Variants in LAMB1 observed in about 807,000 individuals in gnomAD.
LAMB1 encodes the protein laminin subunit beta 1, also known as laminin subunit beta-1.
A neutral mutation model predicts 222.3 loss-of-function variants in LAMB1; 121 were observed. That is an observed-to-expected ratio of 0.54 (90% CI 0.47 to 0.63). The LOEUF is 0.63. Among genes scored for constraint, LAMB1 ranks in the 30% least tolerant of loss-of-function variants. The probability of loss-of-function intolerance (pLI) is 0.00; values close to 1 mark genes in which losing one functional copy is unlikely to be tolerated. For synonymous variants in LAMB1, 794 were observed against 807.2 expected (o/e 0.98, Z 0.28); for missense variants, 2,172 against 2,240.8 (o/e 0.97, Z 0.62).
chr7:108,002,251 T>C, intron 2 of LAMB1: 1 of 1,312,382 alleles, frequency 7.6e-7, no homozygotes, highest in East Asian at 5.2e-5. Context: ...CACCGGCGCT[T>C]CGCTGGGGAC....
intron 24 of LAMB1, chr7:107,950,959 T>TGC (rs958004127): frequency 8.3e-6 from 3 of 359,360 alleles, no homozygotes; most frequent in Non-Finnish European, 1.0e-5. Flanking sequence ...TGTGTGTGTG[T>TGC]GTGCTTACAC....
intron 9 of LAMB1, among the ~76,000 whole-genome samples, chr7:107,977,287 ACT>A (rs1383757531): frequency 6.6e-6 from 1 of 151,984 alleles, no homozygotes; most frequent in Non-Finnish European, 1.5e-5. Context: ...CATCAGAATC[ACT>A]GTTTGTGGAG....
At chr7:107,955,150 T>C (rs564445352) in intron 21 of LAMB1, among the ~76,000 whole-genome samples, 13 of 152,288 alleles carry the variant, frequency 8.5e-5, no homozygotes, top group Admixed American at 2.6e-4. Flanking sequence ...TTGCTAGGAG[T>C]TGGATAAAGA....
chr7:107,983,482 G>A (rs1394968051), intron 7 of LAMB1, among the ~76,000 whole-genome samples: 1 of 149,630 alleles, frequency 6.7e-6, no homozygotes, highest in African/African-American at 2.5e-5. Context: ...CAACAGCTTT[G>A]ATGTACTGAA....
At chr7:107,978,014 T>A (rs2033901666) in intron 9 of LAMB1, 33 bp downstream of exon 9, 3 of 1,613,248 alleles carry the variant, frequency 1.9e-6, no homozygotes, top group African/African-American at 1.3e-5. Context: ...AGAGCCTGAA[T>A]GGATTTAAAA....
Position 107,935,385 on chromosome 7 carries a change from T to C in LAMB1, c.4188+30A>G, listed in dbSNP as rs1408875301. 12 of 857,318 alleles carry C rather than the reference T, an allele frequency of 1.4e-5. No homozygotes were observed. The Middle Eastern group carries it at 3.2e-3, about 232-fold the overall frequency. 53.1% of individuals were successfully genotyped at this position (857,318 alleles called of 1,614,324 possible). ...TTTTTTTTTTTTTTGCTTGGCACCA[T>C]AGCAGTAAGGCCACATCCCCAAACC... On this transcript the variant is annotated intron_variant, in intron 27 of 33. Transcript: ENST00000222399.
chr7:107,992,153 A>G (rs937311410), intron 5 of LAMB1, among the ~76,000 whole-genome samples: 11 of 152,086 alleles, frequency 7.2e-5, no homozygotes, highest in African/African-American at 2.7e-4. Context: ...CCCTCCGGCC[A>G]TGAATGGCCT....
In LAMB1 at chr7:107,935,477, G is replaced by A. The variant is rs573399253; in HGVS notation, c.4126C>T (p.Arg1376Cys). 1.9e-5 allele frequency: 30 copies of A among 1,612,680 alleles called. No homozygotes were observed. Among genetic ancestry groups the A allele is most frequent in the South Asian group, 1.1e-4 (10 of 91,034 alleles). The part of the protein sequence containing the change: ...QFKEKQEEQA[R>C]LLDELAGKLQ... ...TTGCCTGCCAGTTCATCAAGGAGGCGAGCCTGCTCCTCTTGTTTTTCCTTG... is the reference window on the plus strand; with the variant it reads ...TTGCCTGCCAGTTCATCAAGGAGGCAAGCCTGCTCCTCTTGTTTTTCCTTG... The change falls in exon 27 of 34, where the codon CGC becomes TGC. Residue 1376 changes from arginine to cysteine, a missense_variant. Coordinates refer to ENST00000222399, the MANE Select transcript of LAMB1 (RefSeq NM_002291.3).
In LAMB1 at chr7:107,935,358, T is replaced by TG; in HGVS notation, c.4188+56_4188+57insC. Reference sequence around the variant, plus strand: ...GTTTGTTTTTCTTTGTTTTTTTTTTTTTTTTTTTTTTTTTTGCTTGGCACC... The same window carrying TG: ...GTTTGTTTTTCTTTGTTTTTTTTTTTGTTTTTTTTTTTTTTTGCTTGGCACC... On this transcript the variant is annotated intron_variant, in intron 27 of 33. Coordinates refer to ENST00000222399, the MANE Select transcript of LAMB1 (RefSeq NM_002291.3). 60 of 463,106 alleles carry TG rather than the reference T, an allele frequency of 1.3e-4. No individual in the cohort carries two copies. The South Asian group carries it at 1.6e-3, about 12-fold the overall frequency. The allele number at this position is 463,106 out of a possible 1,614,324, so 28.7% of individuals were successfully genotyped here.
chr7:107,989,595 C>T (rs1175425386), intron 5 of LAMB1, among the ~76,000 whole-genome samples: 2 of 152,120 alleles, frequency 1.3e-5, no homozygotes, highest in African/African-American at 4.8e-5. Flanking sequence ...GAAAATGATA[C>T]CGTATTCAAC....
intron 27 of LAMB1, chr7:107,935,208 C>G (rs975214148): frequency 3.1e-6 from 2 of 649,412 alleles, no homozygotes; most frequent in African/African-American, 3.7e-5. Context: ...GGCTGGAAAC[C>G]CATATGCTGC....
chr7:107,961,776 A>G, intron 15 of LAMB1, 100 bp from the exon 16 acceptor site: 1 of 1,332,058 alleles, frequency 7.5e-7, no homozygotes, highest in South Asian at 1.3e-5. Flanking sequence ...GAAATGGAAA[A>G]CAAACAGTTG....
At chr7:107,987,563 C>T (rs1399907900) in intron 5 of LAMB1, among the ~76,000 whole-genome samples, 4 of 152,158 alleles carry the variant, frequency 2.6e-5, no homozygotes, top group Admixed American at 6.5e-5. Flanking sequence ...TGCAGTGGCA[C>T]GATCTCAGTT....
intron 3 of LAMB1, among the ~76,000 whole-genome samples, chr7:108,000,253 G>A (rs1387537789): frequency 6.6e-6 from 1 of 152,062 alleles, no homozygotes; most frequent in Non-Finnish European, 1.5e-5. Context: ...TAATCAGGAG[G>A]AAGCAGTCTA....
In LAMB1 at chr7:107,975,319, A is replaced by ACAC. The variant is rs1477217760; in HGVS notation, c.1281_1283dup (p.Arg427_Cys428insTrp). ...AATGTTCTCCTTCCACATTTAATTT[A>ACAC]CACCGACACTGGCCAGCAATGAGAC... On this transcript the variant is annotated inframe_insertion, in exon 11 of 34. Transcript: ENST00000222399. 1.2e-6 allele frequency: 2 copies of ACAC among 1,613,962 alleles called. No individual in the cohort carries two copies. Among genetic ancestry groups the ACAC allele is most frequent in the African/African-American group, 2.7e-5 (2 of 74,912 alleles).
intron 8 of LAMB1, among the ~76,000 whole-genome samples, chr7:107,979,320 AG>A (rs2033928386): frequency 6.6e-6 from 1 of 152,218 alleles, no homozygotes; most frequent in Admixed American, 6.5e-5. Context: ...AAGTTTTTAA[AG>A]GGCTGAATAC....
At chr7:107,977,013 CTCT>C (rs1335619006) in intron 9 of LAMB1, among the ~76,000 whole-genome samples, 1 of 62,510 alleles carries the variant, frequency 1.6e-5, no homozygotes, top group Non-Finnish European at 4.2e-5. Context: ...CCTTTCCTCT[CTCT>C]CCTTCCTTCC....
Position 107,951,341 on chromosome 7 carries a change from C to A in LAMB1, c.3295-19G>T. ...CCGTGAACTGCGGCCAGAACACAGA[C>A]CTTGGTCAAGCAGGCTTCAGGCCAG... On this transcript the variant is annotated intron_variant, in intron 23 of 33. Transcript: ENST00000222399. The A allele has an allele frequency of 1.9e-6, 3 of 1,611,972 alleles. No individual in the cohort carries two copies. Among genetic ancestry groups the A allele is most frequent in the African/African-American group, 1.3e-5 (1 of 75,002 alleles).
At chr7:107,956,631 C>T (rs1156400593) in intron 20 of LAMB1, among the ~76,000 whole-genome samples, 2 of 152,216 alleles carry the variant, frequency 1.3e-5, no homozygotes, top group African/African-American at 4.8e-5. Flanking sequence ...GGGCTTATAC[C>T]TGTCAGCCTC....
Sources: allele counts gnomAD v4.1 joint callset (sites outside exome capture counted in the v4.1 genomes callset), GRCh38; gene constraint gnomAD v4.1.1; transcripts MANE v1.5; gene names NCBI Gene and HGNC (gene_info 2026-07-23, HGNC 2026-07-21).